ZCRB1: variants seen among roughly 807,000 people sequenced by gnomAD.
ZCRB1 encodes zinc finger CCHC-type and RNA binding motif containing 1.
A neutral mutation model predicts 29.9 loss-of-function variants in ZCRB1; 21 were observed. The ratio of observed to expected loss-of-function variants is 0.70; its 90% confidence interval spans 0.50 to 1.01. ZCRB1 has a LOEUF of 1.01. ZCRB1 is among the 50% of genes least tolerant of loss of function. ZCRB1 has a pLI of 0.00. For missense variants in ZCRB1, 204 were observed against 253.3 expected, an observed-to-expected ratio of 0.81 and a Z score of 1.32; for synonymous variants, 77 against 80.0, an observed-to-expected ratio of 0.96 and a Z score of 0.20.
At chr12:42,318,536 GAGTTATGAGAGC>G (rs1325176507) in intron 3 of ZCRB1, among the ~76,000 whole-genome samples, 1 of 152,174 alleles carries the variant, frequency 6.6e-6, no homozygotes, top group African/African-American at 2.4e-5. Context: ...GTGACAAGGA[GAGTTATGAGAGC>G]ACAGAGCCTG....
chr12:42,315,096 G>A (rs1013493482), intron 5 of ZCRB1, among the ~76,000 whole-genome samples: 5 of 152,196 alleles, frequency 3.3e-5, no homozygotes, highest in Non-Finnish European at 5.9e-5. Context: ...TGTGGCTACT[G>A]AGAACTTGTC....
intron 5 of ZCRB1, 26 bp from the exon 6 acceptor site, chr12:42,314,012 G>A: frequency 1.3e-6 from 2 of 1,569,624 alleles, no homozygotes; most frequent in African/African-American, 1.4e-5. Context: ...AAAAAGGAAA[G>A]GAAAAATACC....
At chr12:42,319,414 T>A (rs1402395314) in intron 3 of ZCRB1, among the ~76,000 whole-genome samples, 1 of 152,198 alleles carries the variant, frequency 6.6e-6, no homozygotes, top group Non-Finnish European at 1.5e-5. Context: ...ACTGTCAGTA[T>A]CCTTGATGAT....
Position 42,312,984 on chromosome 12 carries a change from A to C in ZCRB1, c.*83T>G. On this transcript the variant is annotated 3_prime_UTR_variant, in exon 8 of 8. Coordinates refer to ENST00000266529, the MANE Select transcript of ZCRB1 (RefSeq NM_033114.4). ...TAATAGTATTAACATGATAGTATTA[A>C]TTTTTCTTATTTTTATTAAAATTAG... is the stretch of plus-strand genomic sequence containing the variant. The C allele has an allele frequency of 7.6e-7, 1 of 1,311,690 alleles. No homozygotes were observed. The highest frequency in any genetic ancestry group is 1.0e-6 in the Non-Finnish European group (1 of 999,416). The allele number at this position is 1,311,690 out of a possible 1,614,324, so 81.3% of individuals were successfully genotyped here.
Position 42,313,104 on chromosome 12 carries a change from CT to C in ZCRB1, c.616del (p.Ser206AlafsTer33). 6.2e-7 allele frequency: 1 copy of C among 1,611,120 alleles called. No individual in the cohort carries two copies. The highest frequency in any genetic ancestry group is 2.2e-5 in the East Asian group (1 of 44,776). On this transcript the variant is annotated frameshift_variant, in exon 8 of 8. Coordinates refer to ENST00000266529, the MANE Select transcript of ZCRB1 (RefSeq NM_033114.4). LOFTEE classifies it high-confidence loss of function. ...TTCTTCCTCATCACTGAAATATGTG[CT>C]TTTCTTTATCCTTGGGCGTCTTGAA... The part of the protein sequence containing the change: ...DDSRRPRIKK[S>X]TYFSDEEELS...
chr12:42,319,691 TTG>T lies in ZCRB1; in HGVS notation c.114-1795_114-1794del, dbSNP rs1436283486. On this transcript the variant is annotated intron_variant, in intron 3 of 7. Transcript: ENST00000266529. ...CTCCGTTATGCTAGTCTCTGCTGAA[TTG>T]TGTTATTCATAAACAATGCCTCATC... is the stretch of plus-strand genomic sequence containing the variant. Among the ~76,000 whole-genome samples, 5 of 152,364 alleles carry T rather than the reference TTG, an allele frequency of 3.3e-5. 1 individual carries two copies. The highest frequency in any genetic ancestry group is 9.6e-5 in the African/African-American group (4 of 41,596).
Position 42,313,134 on chromosome 12 carries a change from T to C in ZCRB1, c.587A>G (p.Asp196Gly), listed in dbSNP as rs1333808172. The C allele has an allele frequency of 6.2e-7, 1 of 1,612,662 alleles. No individual in the cohort carries two copies. ...CTTTATCCTTGGGCGTCTTGAATCATCTGATGTTGAGGGGACTCCTGAACT... is the reference window on the plus strand; with the variant it reads ...CTTTATCCTTGGGCGTCTTGAATCACCTGATGTTGAGGGGACTCCTGAACT... ...KPSSGVPSTS[D>G]DSRRPRIKKS... The change falls in exon 8 of 8, where the codon GAT becomes GGT. Residue 196 changes from aspartate (D) to glycine (G), a missense_variant. Coordinates refer to ENST00000266529, the MANE Select transcript of ZCRB1 (RefSeq NM_033114.4).
At chr12:42,319,122 C>A (rs1019372864) in intron 3 of ZCRB1, among the ~76,000 whole-genome samples, 1 of 151,208 alleles carries the variant, frequency 6.6e-6, no homozygotes, top group Non-Finnish European at 1.5e-5. Context: ...AGTTATCAGT[C>A]TTTTTTTTTA....
At chr12:42,317,638 G>C in intron 4 of ZCRB1, 149 bp downstream of exon 4, 1 of 791,088 alleles carries the variant, frequency 1.3e-6, no homozygotes. Context: ...GAACCCAGTA[G>C]TTTGACCTCT....
chr12:42,321,116 CAA>C lies in ZCRB1; in HGVS notation c.113+1300_113+1301del, dbSNP rs150085250. Among the ~76,000 whole-genome samples the C allele has an allele frequency of 4.5e-3, 679 of 152,302 alleles. 5 individuals are homozygous for C. The highest frequency in any genetic ancestry group is 7.7e-3 in the Non-Finnish European group (522 of 68,014). On this transcript the variant is annotated intron_variant, in intron 3 of 7. Transcript: ENST00000266529. ...CTTACTCATCCTTTAGGTTTCCACT[CAA>C]AAAATACTGACCTAGGTAAGCCTTC...
intron 4 of ZCRB1, 24 bp from the exon 5 acceptor site, chr12:42,317,471 G>T (rs777061533): frequency 1.1e-5 from 16 of 1,512,784 alleles, no homozygotes; most frequent in Non-Finnish European, 1.4e-5. Flanking sequence ...AAATGTAAAT[G>T]TAGAATGTAT....
At position 42,326,026 on chromosome 12, in the gene ZCRB1, A is replaced by T. The variant is rs566008748; in HGVS notation, c.-105T>A. On this transcript the variant is annotated 5_prime_UTR_variant, in exon 1 of 8. Coordinates refer to ENST00000266529, the MANE Select transcript of ZCRB1 (RefSeq NM_033114.4). ...AGCCGCTCGCAGCGGCCTTGGCATC[A>T]CGAGTCCTGGGAGGGGTCAGGCGCG... 4.6e-5 allele frequency: 7 copies of T among 152,436 alleles called. No individual in the cohort carries two copies. Among genetic ancestry groups the T allele is most frequent in the Non-Finnish European group, 8.8e-5 (6 of 68,104 alleles). 9.4% of individuals were successfully genotyped at this position (152,436 alleles called of 1,614,324 possible).
At chr12:42,318,234 T>C (rs2068604299) in intron 3 of ZCRB1, among the ~76,000 whole-genome samples, 1 of 152,224 alleles carries the variant, frequency 6.6e-6, no homozygotes, top group African/African-American at 2.4e-5. Flanking sequence ...AATAAAGGTA[T>C]ACTTTACACA....
At position 42,312,817 on chromosome 12, in the gene ZCRB1, C is replaced by T. The variant is rs2068576003; in HGVS notation, c.*250G>A. On this transcript the variant is annotated 3_prime_UTR_variant, in exon 8 of 8. Transcript: ENST00000266529. ...TTTATTAATATAAGTAACAATAAATCATTCAACTTTTCGGTCTTCAGGAAG... is the reference window on the plus strand; with the variant it reads ...TTTATTAATATAAGTAACAATAAATTATTCAACTTTTCGGTCTTCAGGAAG... 4.0e-6 allele frequency: 1 copy of T among 252,626 alleles called. No individual in the cohort carries two copies. Among genetic ancestry groups the T allele is most frequent in the Non-Finnish European group, 7.2e-6 (1 of 138,048 alleles). 15.6% of individuals were successfully genotyped at this position (252,626 alleles called of 1,614,324 possible). A position where few individuals can be genotyped will look rare whatever the true frequency, so the allele number is the denominator to read the frequency against.
intron 2 of ZCRB1, 81 bp downstream of exon 2, chr12:42,323,937 GA>G: frequency 2.4e-6 from 3 of 1,269,572 alleles, no homozygotes; most frequent in Non-Finnish European, 1.1e-6. Context: ...AAAAAAAAAG[GA>G]AAAAAGAATT....
chr12:42,323,935 A>T, intron 2 of ZCRB1, 84 bp downstream of exon 2: 7 of 1,246,802 alleles, frequency 5.6e-6, no homozygotes, highest in Non-Finnish European at 5.8e-6. Context: ...AAAAAAAAAA[A>T]GGAAAAAAGA....
At chr12:42,313,630 G>A (rs2068579696) in intron 7 of ZCRB1, 60 bp downstream of exon 7, 1 of 1,560,886 alleles carries the variant, frequency 6.4e-7, no homozygotes. Context: ...AATGAAGTAA[G>A]CAAGCACTAT....
At chr12:42,318,610 G>A (rs141492760) in intron 3 of ZCRB1, among the ~76,000 whole-genome samples, 211 of 152,272 alleles carry the variant, frequency 1.4e-3, no homozygotes, top group Non-Finnish European at 2.5e-3. Context: ...CTTGCCCACC[G>A]TATGTCATTT....
intron 3 of ZCRB1, 135 bp from the exon 4 acceptor site, chr12:42,318,033 C>CA: frequency 1.5e-6 from 1 of 659,288 alleles, no homozygotes; most frequent in East Asian, 2.9e-5. Context: ...GCTATCTCTT[C>CA]AAAGTCAAGG....
Sources: gnomAD v4.1 joint callset for allele counts (sites outside exome capture counted in the v4.1 genomes callset) on GRCh38, gnomAD v4.1.1 for gene constraint, MANE v1.5 for transcripts, NCBI Gene and HGNC (gene_info 2026-07-23, HGNC 2026-07-21) for gene names.